ZNF462: variants seen among roughly 807,000 people sequenced by gnomAD.
The protein encoded by ZNF462 is zinc finger protein 462.
In ZNF462, 10 loss-of-function variants were observed where a neutral mutation model predicts 201.9. The ratio of observed to expected loss-of-function variants is 0.05; its 90% CI spans 0.03 to 0.08. The LOEUF (loss-of-function observed/expected upper bound fraction) is 0.08. Among genes scored for constraint, ZNF462 ranks in the 10% least tolerant of loss-of-function variants. The pLI, the probability that ZNF462 is intolerant of heterozygous loss-of-function variation, is 1.00. For missense variants in ZNF462, 2,523 were observed against 3,168.3 expected (o/e 0.80, Z 4.89); for synonymous variants, 1,227 against 1,193.3 (o/e 1.03, Z -0.58).
chr9:106,935,594 A>G lies in ZNF462; in HGVS notation c.6208A>G (p.Lys2070Glu). Reference sequence around the variant, plus strand: ...CAAGTCCTCCTATAACAGCCGGCTGAAAACACATATACTCAAAGCTCATGC... The same window carrying G: ...CAAGTCCTCCTATAACAGCCGGCTGGAAACACATATACTCAAAGCTCATGC... ...SFKSSYNSRL[K>E]THILKAHAGE... The change falls in exon 6 of 13, where the codon AAA becomes GAA. Residue 2070 changes from lysine to glutamate, a missense_variant. Coordinates refer to ENST00000277225, the MANE Select transcript of ZNF462 (RefSeq NM_021224.6). This position sits in a 1 kb window ranked among gnomAD's most constrained non-coding sequence, Gnocchi z 4.1. The G allele has an allele frequency of 6.2e-7, 1 of 1,614,098 alleles. No individual in the cohort carries two copies. Among genetic ancestry groups the G allele is most frequent in the Non-Finnish European group, 8.5e-7 (1 of 1,179,964 alleles).
In ZNF462 at chr9:106,929,471, G is replaced by A; in HGVS notation, c.5559G>A (p.Lys1853=). The change falls in exon 3 of 13, where the codon AAG becomes AAA. Residue 1853 remains lysine (K), a synonymous_variant. Transcript: ENST00000277225. The surrounding 1 kb of genome is among the most constrained non-coding windows in gnomAD (Gnocchi z 8.7). ...CATTCCGCTGCATCAAATGCTTCAA[G>A]CTGTCCTTTAGCACTGCAGAGCTGC... The part of the protein sequence containing the change: ...WLPFRCIKCF[K]LSFSTAELLC... 1 of 1,614,136 alleles carries A rather than the reference G, an allele frequency of 6.2e-7. No homozygotes were observed. Among genetic ancestry groups the A allele is most frequent in the Non-Finnish European group, 8.5e-7 (1 of 1,180,044 alleles).
intron 1 of ZNF462, among the ~76,000 whole-genome samples, chr9:106,910,789 T>C (rs1829518209): frequency 6.6e-6 from 1 of 152,194 alleles, no homozygotes. Context: ...GTTTCTTTGG[T>C]TAGCCTAAAG....
In ZNF462 at chr9:106,935,424, TG is replaced by T; in HGVS notation, c.6117-77del. 1.5e-6 allele frequency: 2 copies of T among 1,293,154 alleles called. No homozygotes were observed. Among genetic ancestry groups the T allele is most frequent in the Non-Finnish European group, 2.2e-6 (2 of 898,308 alleles). The allele number at this position is 1,293,154 out of a possible 1,614,324, so 80.1% of individuals were successfully genotyped here. A position where few individuals can be genotyped will look rare whatever the true frequency, so the allele number is the denominator to read the frequency against. The stretch of plus-strand genomic sequence containing the variant: ...TTGAACGACCTAGAAGTAGGATTCC[TG>T]GAAAAAAAGCAATGAGCAAATCCTC... On this transcript the variant is annotated intron_variant, in intron 5 of 12. Transcript: ENST00000277225. The surrounding 1 kb of genome is among the most constrained non-coding windows in gnomAD (Gnocchi z 4.1).
chr9:106,979,652 C>T (rs1827271515), intron 9 of ZNF462: 1 of 150,662 alleles, frequency 6.6e-6, no homozygotes, highest in South Asian at 2.1e-4. Flanking sequence ...GGAATTTGAA[C>T]TTGAACGAGA....
At position 107,008,391 on chromosome 9, in the gene ZNF462, T is replaced by C. The variant is rs1479417523; in HGVS notation, c.7190-1154T>C. 3.9e-5 allele frequency among the ~76,000 whole-genome samples: 6 copies of C among 152,200 alleles called. No homozygotes were observed. Among genetic ancestry groups the C allele is most frequent in the South Asian group, 4.1e-4 (2 of 4,830 alleles). ...GCTGTTTGTGCTGAAGATTAAGGCA[T>C]CACAGAGCCCCCCATCCTGTTAACA... On this transcript the variant is annotated intron_variant, in intron 11 of 12. Coordinates refer to ENST00000277225, the MANE Select transcript of ZNF462 (RefSeq NM_021224.6). The surrounding 1 kb of genome is among the most constrained non-coding windows in gnomAD (Gnocchi z 4.8).
chr9:106,907,742 C>G (rs995812946), intron 1 of ZNF462, among the ~76,000 whole-genome samples: 2 of 151,900 alleles, frequency 1.3e-5, no homozygotes, highest in African/African-American at 4.8e-5. Flanking sequence ...TTAATGTAGT[C>G]AAATCTTTTC....
At chr9:106,892,126 C>T (rs1828605277) in intron 1 of ZNF462, among the ~76,000 whole-genome samples, 1 of 151,980 alleles carries the variant, frequency 6.6e-6, no homozygotes, top group Non-Finnish European at 1.5e-5. Flanking sequence ...TGGTGGTGGC[C>T]CAAGGTCATT....
Position 106,883,065 on chromosome 9 carries a change from A to C in ZNF462, c.-31+19710A>C, listed in dbSNP as rs1387093696. Among the ~76,000 whole-genome samples, 2 of 152,202 alleles carry C rather than the reference A, an allele frequency of 1.3e-5. No individual in the cohort carries two copies. The highest frequency in any genetic ancestry group is 4.8e-5 in the African/African-American group (2 of 41,438). ...AGTTCTTGAACATTTCAATGGAATG[A>C]TTTAGATCATTGAAAGTCTACTATG... is the stretch of plus-strand genomic sequence containing the variant. On this transcript the variant is annotated intron_variant, in intron 1 of 12. Coordinates refer to ENST00000277225, the MANE Select transcript of ZNF462 (RefSeq NM_021224.6). The surrounding 1 kb of genome is among the most constrained non-coding windows in gnomAD (Gnocchi z 4.9).
At chr9:106,867,882 G>C (rs2130797726) in intron 1 of ZNF462, among the ~76,000 whole-genome samples, 1 of 152,276 alleles carries the variant, frequency 6.6e-6, no homozygotes, top group African/African-American at 2.4e-5. Flanking sequence ...TGACAAAACT[G>C]TATCAGATAT....
chr9:106,953,394 A>G (rs1274424142), intron 7 of ZNF462, among the ~76,000 whole-genome samples: 1 of 152,186 alleles, frequency 6.6e-6, no homozygotes, highest in Non-Finnish European at 1.5e-5. Flanking sequence ...AGCTTTCACA[A>G]GGATCATCAG....
chr9:106,907,100 T>A (rs1184124547), intron 1 of ZNF462, among the ~76,000 whole-genome samples: 1 of 152,200 alleles, frequency 6.6e-6, no homozygotes, highest in East Asian at 1.9e-4. Flanking sequence ...TAGTGGAGTG[T>A]TGATAGATTT....
chr9:106,932,185 A>AG lies in ZNF462; in HGVS notation c.6013-260dup, dbSNP rs1830451146. 3 of 1,523,666 alleles carry AG rather than the reference A, an allele frequency of 2.0e-6. No homozygotes were observed. The South Asian group carries it at 3.8e-5, about 19-fold the overall frequency. 94.4% of individuals were successfully genotyped at this position (1,523,666 alleles called of 1,614,324 possible). On this transcript the variant is annotated intron_variant, in intron 4 of 12. Transcript: ENST00000277225. This position sits in a 1 kb window ranked among gnomAD's most constrained non-coding sequence, Gnocchi z 6.8. ...CTGTTGAGTTTGGGAGAATGTAGGGAGAAAAAGAAAGCTGGAGGCAATGAT... is the reference window on the plus strand; with the variant it reads ...CTGTTGAGTTTGGGAGAATGTAGGGAGGAAAAAGAAAGCTGGAGGCAATGAT...
intron 1 of ZNF462, among the ~76,000 whole-genome samples, chr9:106,912,943 G>C (rs372199277): frequency 2.0e-4 from 31 of 152,314 alleles, no homozygotes; most frequent in African/African-American, 7.5e-4. Context: ...GGACAGAATT[G>C]TTCCTCTGGC....
chr9:107,003,147 A>C lies in ZNF462; in HGVS notation c.7057-147A>C. The C allele has an allele frequency of 9.7e-7, 1 of 1,035,356 alleles. No individual in the cohort carries two copies. Among genetic ancestry groups the C allele is most frequent in the Non-Finnish European group, 1.4e-6 (1 of 720,578 alleles). 64.1% of individuals were successfully genotyped at this position (1,035,356 alleles called of 1,614,324 possible). A position where few individuals can be genotyped will look rare whatever the true frequency, so the allele number is the denominator to read the frequency against. On this transcript the variant is annotated intron_variant, in intron 10 of 12. Coordinates refer to ENST00000277225, the MANE Select transcript of ZNF462 (RefSeq NM_021224.6). The surrounding 1 kb of genome is among the most constrained non-coding windows in gnomAD (Gnocchi z 4.4). ...CATCTCCAAAAGAGTCAAAACGAAGAAAAAGACCTCTTAGGCCCCGGAGTT... is the reference window on the plus strand; with the variant it reads ...CATCTCCAAAAGAGTCAAAACGAAGCAAAAGACCTCTTAGGCCCCGGAGTT...
chr9:107,006,553 A>G lies in ZNF462; in HGVS notation c.7190-2992A>G, dbSNP rs558448300. On this transcript the variant is annotated intron_variant, in intron 11 of 12. Coordinates refer to ENST00000277225, the MANE Select transcript of ZNF462 (RefSeq NM_021224.6). The surrounding 1 kb of genome is among the most constrained non-coding windows in gnomAD (Gnocchi z 4.3). ...TGGCCCTTGGGACCTTGCTGTAAGGAGCAGTTTTGCAGAATTTCTTTGTGT... is the reference window on the plus strand; with the variant it reads ...TGGCCCTTGGGACCTTGCTGTAAGGGGCAGTTTTGCAGAATTTCTTTGTGT... Among the ~76,000 whole-genome samples the G allele has an allele frequency of 6.6e-6, 1 of 152,052 alleles. No homozygotes were observed. Among genetic ancestry groups the G allele is most frequent in the African/African-American group, 2.4e-5 (1 of 41,406 alleles).
At chr9:106,942,777 T>A (rs1039988285) in intron 7 of ZNF462, among the ~76,000 whole-genome samples, 1 of 152,178 alleles carries the variant, frequency 6.6e-6, no homozygotes, top group Non-Finnish European at 1.5e-5. Context: ...TTGTTTTAGG[T>A]CTGAGAAGCT....
rs1048666379 is a variant in ZNF462 at position 106,886,298 on chromosome 9, A to G, written c.-31+22943A>G. Among the ~76,000 whole-genome samples, 6 of 152,192 alleles carry G rather than the reference A, an allele frequency of 3.9e-5. No homozygotes were observed. The highest frequency in any genetic ancestry group is 1.4e-4 in the African/African-American group (6 of 41,436). ...TCATGACTTGGGTATGTTTATGTAG[A>G]TCCAAAATTATTTTAAAGTTTGAAG... On this transcript the variant is annotated intron_variant, in intron 1 of 12. Coordinates refer to ENST00000277225, the MANE Select transcript of ZNF462 (RefSeq NM_021224.6). The surrounding 1 kb of genome is among the most constrained non-coding windows in gnomAD (Gnocchi z 4.6).
chr9:106,881,155 C>T (rs182435764), intron 1 of ZNF462, among the ~76,000 whole-genome samples: 317 of 152,306 alleles, frequency 2.1e-3, no homozygotes, highest in Non-Finnish European at 2.8e-3. Context: ...TGGCTTGACC[C>T]TGCTCCATCA....
At chr9:106,909,645 TTC>T (rs1456753984) in intron 1 of ZNF462, among the ~76,000 whole-genome samples, 2 of 152,216 alleles carry the variant, frequency 1.3e-5, no homozygotes, top group Non-Finnish European at 2.9e-5. Flanking sequence ...TTCGGTATTG[TTC>T]TCTCTTTCTT....
Sources: gnomAD v4.1 joint callset for allele counts (sites outside exome capture counted in the v4.1 genomes callset) on GRCh38, gnomAD v4.1.1 for gene constraint, Gnocchi (gnomAD v3.1) non-coding constraint, MANE v1.5 for transcripts, NCBI Gene and HGNC (gene_info 2026-07-23, HGNC 2026-07-21) for gene names.